The following SMARCA4 variants were observed in gnomAD, a reference collection of about 807,000 sequenced individuals.
The protein encoded by SMARCA4 is SWI/SNF related BAF chromatin remodeling complex subunit ATPase 4, also known as SWI/SNF-related matrix-associated actin-dependent regulator of chromatin subfamily A member 4.
Under a neutral mutation model 193.9 loss-of-function variants are expected in SMARCA4, and 31 were observed. The observed-to-expected ratio is 0.16, with a 90% confidence interval of 0.12 to 0.22. The LOEUF (loss-of-function observed/expected upper bound fraction) is 0.22, where lower values mean the gene tolerates loss of function less well. Among genes scored for constraint, SMARCA4 ranks in the 10% least tolerant of loss-of-function variants. The pLI is 1.00. For missense variants in SMARCA4, 1,148 were observed against 2,296.0 expected (o/e 0.50, Z 10.22); for synonymous variants, 942 against 933.1 (o/e 1.01, Z -0.17).
At position 10,981,032 on chromosome 19, in the gene SMARCA4, G is replaced by A. The variant is rs560733274; in HGVS notation, c.-31-3089G>A. ...CTCCCAAAGTGCTGGGATTACAGGC[G>A]TGCTGGATTGTATTTTGCTGTCAGT... On this transcript the variant is annotated intron_variant, in intron 1 of 34. Coordinates refer to ENST00000344626, the MANE Select transcript of SMARCA4 (RefSeq NM_003072.5). Among the ~76,000 whole-genome samples, 236 of 152,316 alleles carry A rather than the reference G, an allele frequency of 1.5e-3. 3 individuals carry two copies. Among genetic ancestry groups the A allele is most frequent in the African/African-American group, 5.4e-3 (225 of 41,578 alleles).
intron 16 of SMARCA4, chr19:11,015,966 G>A (rs1386580729): frequency 2.0e-5 from 3 of 151,992 alleles, no homozygotes; most frequent in African/African-American, 4.8e-5. Flanking sequence ...AGCCAATATC[G>A]TGCCATTGCA....
intron 30 of SMARCA4, among the ~76,000 whole-genome samples, chr19:11,048,527 G>A (rs2076077294): frequency 1.3e-5 from 2 of 152,176 alleles, no homozygotes. Flanking sequence ...TTCAAAGAGT[G>A]AACACGGGAC....
rs1436490540 is a variant in SMARCA4, at chr19:10,987,914, C to G, written c.1108C>G (p.Arg370Gly). 1 of 1,612,624 alleles carries G rather than the reference C, an allele frequency of 6.2e-7. No homozygotes were observed. Among genetic ancestry groups the G allele is most frequent in the Non-Finnish European group, 8.5e-7 (1 of 1,179,938 alleles). Residue 370 changes from arginine to glycine, a missense_variant, in exon 6 of 35, where the codon CGC becomes GGC. Around this residue, in one of 17 missense-constraint regions of SMARCA4, gnomAD observed 257 missense variants for 276.5 expected, o/e 0.93. Coordinates refer to ENST00000344626, the MANE Select transcript of SMARCA4 (RefSeq NM_003072.5). The surrounding 1 kb of genome is among the most constrained non-coding windows in gnomAD (Gnocchi z 5.3). ...CGACCCTGTGGAGATCCTGCAGGAGCGCGAGTACAGGTGAGGGCGGGGCCC... is the reference window on the plus strand; with the variant it reads ...CGACCCTGTGGAGATCCTGCAGGAGGGCGAGTACAGGTGAGGGCGGGGCCC... ...GLDPVEILQE[R>G]EYRLQARIAH...
chr19:11,039,548 T>A lies in SMARCA4; in HGVS notation c.4171-1759T>A, dbSNP rs776681345. 3 of 1,594,156 alleles carry A rather than the reference T, an allele frequency of 1.9e-6. No individual in the cohort carries two copies. The highest frequency in any genetic ancestry group is 2.6e-6 in the Non-Finnish European group (3 of 1,171,150). The stretch of plus-strand genomic sequence containing the variant: ...TGGCCTTCAGTTCTGCACACGTGCG[T>A]CAAAGGTGGGGAGAGTTCTGGTGGT... On this transcript the variant is annotated intron_variant, in intron 29 of 34. Transcript: ENST00000344626.
At chr19:11,009,005 C>T (rs1437369809) in intron 14 of SMARCA4, among the ~76,000 whole-genome samples, 1 of 65,488 alleles carries the variant, frequency 1.5e-5, no homozygotes, top group African/African-American at 8.5e-5. Flanking sequence ...GGATAAAAGT[C>T]ACTTTTTTTT....
chr19:11,059,631 G>T (rs144154122), intron 32 of SMARCA4, 122 bp from the exon 33 acceptor site: 2 of 1,112,030 alleles, frequency 1.8e-6, no homozygotes, highest in Non-Finnish European at 1.3e-6. Context: ...GCTGAGGCTC[G>T]CATTGGCCAC....
intron 23 of SMARCA4, 157 bp from the exon 24 acceptor site, chr19:11,027,627 G>A (rs2090357008): frequency 1.3e-6 from 1 of 790,294 alleles, no homozygotes; most frequent in African/African-American, 1.7e-5. Context: ...TGGCTTTGCT[G>A]AAGCTTTGGG....
chr19:11,028,854 C>T (rs888176414), intron 24 of SMARCA4, among the ~76,000 whole-genome samples: 3 of 148,638 alleles, frequency 2.0e-5, no homozygotes, highest in Non-Finnish European at 3.0e-5. Flanking sequence ...GAGACAGACA[C>T]GGCTCAGCCA....
chr19:10,961,714 A>G (rs982300744), intron 1 of SMARCA4: 4 of 152,228 alleles, frequency 2.6e-5, no homozygotes, highest in African/African-American at 9.6e-5. Flanking sequence ...GTGTCATTCC[A>G]GATTTTCAAG....
At position 11,062,061 on chromosome 19, in the gene SMARCA4, T is replaced by A. The variant is rs2076926244; in HGVS notation, c.*245T>A. On this transcript the variant is annotated 3_prime_UTR_variant, in exon 35 of 35. Coordinates refer to ENST00000344626, the MANE Select transcript of SMARCA4 (RefSeq NM_003072.5). Reference sequence around the variant, plus strand: ...AAGAGAGAGAGAGAGAATTCCGAATTGGGGAACACACGATACCTGTTTTTC... The same window carrying A: ...AAGAGAGAGAGAGAGAATTCCGAATAGGGGAACACACGATACCTGTTTTTC... 1 of 578,984 alleles carries A rather than the reference T, an allele frequency of 1.7e-6. No homozygotes were observed. The highest frequency in any genetic ancestry group is 1.9e-5 in the African/African-American group (1 of 53,590). The allele number at this position is 578,984 out of a possible 1,614,324, so 35.9% of individuals were successfully genotyped here.
rs527859697 is a variant in SMARCA4 at position 11,015,219 on chromosome 19, A to C, written c.2438+2107A>C. On this transcript the variant is annotated intron_variant, in intron 16 of 34. Coordinates refer to ENST00000344626, the MANE Select transcript of SMARCA4 (RefSeq NM_003072.5). ...CCCCAAGACAATTATGAAAACCAGG[A>C]AGATAACATGGACGTAGGACTAATA... Among the ~76,000 whole-genome samples the C allele has an allele frequency of 3.9e-4, 60 of 152,348 alleles. 1 individual carries two copies. Among genetic ancestry groups the C allele is most frequent in the African/African-American group, 1.3e-3 (55 of 41,572 alleles).
intron 6 of SMARCA4, 82 bp from the exon 7 acceptor site, chr19:10,989,235 G>C (rs1255175807): frequency 6.4e-7 from 1 of 1,565,552 alleles, no homozygotes; most frequent in East Asian, 2.2e-5. Flanking sequence ...CTCTCTCGAG[G>C]GATGGGTCCC....
At chr19:11,025,342 C>T in intron 21 of SMARCA4, 80 bp from the exon 22 acceptor site, 1 of 908,338 alleles carries the variant, frequency 1.1e-6, no homozygotes, top group Non-Finnish European at 1.8e-6. Context: ...GGCCCTTCTC[C>T]CAACACCCAC....
intron 9 of SMARCA4, 45 bp downstream of exon 9, chr19:10,995,046 T>C (rs1271867754): frequency 6.5e-6 from 10 of 1,545,582 alleles, no homozygotes; most frequent in Admixed American, 1.9e-5. Flanking sequence ...CATGTGTAGC[T>C]GGTACTGCGG....
intron 7 of SMARCA4, among the ~76,000 whole-genome samples, chr19:10,990,359 A>G (rs967013949): frequency 6.6e-5 from 10 of 151,370 alleles, no homozygotes; most frequent in Non-Finnish European, 1.5e-4. Flanking sequence ...GCTCACTGCA[A>G]CCTCTGCCTT....
chr19:10,978,514 T>C (rs1224019869), intron 1 of SMARCA4, among the ~76,000 whole-genome samples: 1 of 152,170 alleles, frequency 6.6e-6, no homozygotes, highest in East Asian at 2.0e-4. Flanking sequence ...TTTGTATTTT[T>C]AGTAGAGACG....
intron 30 of SMARCA4, among the ~76,000 whole-genome samples, chr19:11,044,774 A>G (rs1220429449): frequency 6.6e-6 from 1 of 152,120 alleles, no homozygotes; most frequent in Non-Finnish European, 1.5e-5. Context: ...GCCTGTACAT[A>G]CCCTCTGACC....
In SMARCA4 at chr19:11,024,354, C is replaced by G. The variant is rs1325519260; in HGVS notation, c.2997C>G (p.Asp999Glu). The G allele has an allele frequency of 6.2e-7, 1 of 1,612,962 alleles. No homozygotes were observed. The highest frequency in any genetic ancestry group is 8.5e-7 in the Non-Finnish European group (1 of 1,179,648). ...AGGTGGAGTACGTCATCAAGTGCGA[C>G]ATGTCTGCGCTGCAGCGAGTGCTCT... ...PEKVEYVIKC[D>E]MSALQRVLYR... The change falls in exon 21 of 35, where the codon GAC becomes GAG. Residue 999 changes from aspartate to glutamate, a missense_variant. Around this residue, in one of 17 missense-constraint regions of SMARCA4, gnomAD observed 74 missense variants for 392.3 expected, o/e 0.19. Coordinates refer to ENST00000344626, the MANE Select transcript of SMARCA4 (RefSeq NM_003072.5).
chr19:10,989,174 G>T (rs1475598360), intron 6 of SMARCA4, 143 bp from the exon 7 acceptor site: 5 of 1,031,240 alleles, frequency 4.8e-6, no homozygotes, highest in Non-Finnish European at 6.0e-6. Flanking sequence ...GCTGTGCCCT[G>T]CGGCCAGCAT....
Sources: gnomAD v4.1 joint callset for allele counts (sites outside exome capture counted in the v4.1 genomes callset) on GRCh38, gnomAD v4.1.1 for gene constraint, gnomAD v4.1.1 regional missense constraint, Gnocchi (gnomAD v3.1) non-coding constraint, MANE v1.5 for transcripts, NCBI Gene and HGNC (gene_info 2026-07-23, HGNC 2026-07-21) for gene names.